GTF2A1: variants seen among roughly 807,000 people sequenced by gnomAD.
GTF2A1 encodes the protein general transcription factor IIA subunit 1.
Under a neutral mutation model 54.1 loss-of-function variants are expected in GTF2A1, and 12 were observed. The observed-to-expected ratio is 0.22, with a 90% confidence interval of 0.14 to 0.36. The LOEUF (loss-of-function observed/expected upper bound fraction) is 0.36. GTF2A1 is among the 10% of genes least tolerant of loss of function. The probability of loss-of-function intolerance (pLI) is 1.00; values close to 1 mark genes in which losing one functional copy is unlikely to be tolerated. For missense variants in GTF2A1, 335 were observed against 442.2 expected (o/e 0.76, Z 2.17); for synonymous variants, 145 against 152.0 (o/e 0.95, Z 0.34).
At chr14:81,201,528 A>T in intron 4 of GTF2A1, 66 bp downstream of exon 4, 1 of 899,664 alleles carries the variant, frequency 1.1e-6, no homozygotes, top group East Asian at 2.4e-5. Context: ...GGACATATAT[A>T]GGCATAATTA....
chr14:81,192,638 G>C lies in GTF2A1; in HGVS notation c.814C>G (p.Gln272Glu), dbSNP rs1892900810. 1.2e-6 allele frequency: 2 copies of C among 1,613,724 alleles called. No individual in the cohort carries two copies. Among genetic ancestry groups the C allele is most frequent in the African/African-American group, 1.3e-5 (1 of 75,012 alleles). The change falls in exon 7 of 9, where the codon CAA (glutamine) becomes GAA (glutamate). Residue 272 changes from glutamine to glutamate, a missense_variant. Around this residue, in one of 2 missense-constraint regions of GTF2A1, gnomAD observed 306 missense variants for 360.4 expected, o/e 0.85. Transcript: ENST00000553612. ...PAQTQAPLVL[Q>E]VDGTGDTSSE... ...GATGTATCCCCAGTTCCATCAACTT[G>C]TAAGACCAATGGAGCTTGTGTTTGA...
intron 5 of GTF2A1, chr14:81,197,196 G>C (rs937422889): frequency 2.2e-6 from 1 of 457,556 alleles, no homozygotes; most frequent in African/African-American, 2.0e-5. Context: ...CAGATCAAAG[G>C]TTCAAGTACA....
In GTF2A1 at chr14:81,203,890, C is replaced by T. The variant is rs377103997; in HGVS notation, c.337+10G>A. 1.0e-4 allele frequency: 160 copies of T among 1,603,298 alleles called. No homozygotes were observed. The highest frequency in any genetic ancestry group is 1.3e-4 in the Non-Finnish European group (150 of 1,170,296). Reference sequence around the variant, plus strand: ...CCAAGTCATAAGTAGGAAAACAAGTCCAGTCTCACCTTGCTGTGATGCAGG... The same window carrying T: ...CCAAGTCATAAGTAGGAAAACAAGTTCAGTCTCACCTTGCTGTGATGCAGG... On this transcript the variant is annotated intron_variant, in intron 3 of 8. Transcript: ENST00000553612.
At chr14:81,206,518 G>C (rs928752224) in intron 2 of GTF2A1, among the ~76,000 whole-genome samples, 1 of 152,098 alleles carries the variant, frequency 6.6e-6, no homozygotes, top group African/African-American at 2.4e-5. Context: ...ACATTCCAGC[G>C]GACACTTGCC....
Position 81,201,598 on chromosome 14 carries a change from T to G in GTF2A1, c.398A>C (p.Asn133Thr), listed in dbSNP as rs138294263. 37 of 1,581,290 alleles carry G rather than the reference T, an allele frequency of 2.3e-5. No homozygotes were observed. In the African/African-American group the frequency reaches 4.0e-4, roughly 17 times the overall value. ...SKLIQHMNAS[N>T]MSAAATAATL... ...CTGCTACATTCTGAGTCTTACCATG[T>G]TTGATGCATTCATATGCTGTATCAA... The change falls in exon 4 of 9, where the codon AAC becomes ACC. Residue 133 changes from asparagine to threonine, a missense_variant. Physicochemically the swap from Asn to Thr is moderately conservative, Grantham distance 65 (BLOSUM62 0). Around this residue, in one of 2 missense-constraint regions of GTF2A1, gnomAD observed 306 missense variants for 360.4 expected, o/e 0.85. Transcript: ENST00000553612.
intron 2 of GTF2A1, among the ~76,000 whole-genome samples, chr14:81,205,522 T>C (rs1387482563): frequency 6.6e-6 from 1 of 152,228 alleles, no homozygotes; most frequent in African/African-American, 2.4e-5. Flanking sequence ...GTAAAACAAT[T>C]ATCAGTGTTA....
rs375390111 is a variant in GTF2A1 at position 81,196,252 on chromosome 14, A to G, written c.479-11T>C. ...CCTGAAGAAGCTGGCCTAAAGCAAA[A>G]AGCATGCATTCCGAGTTATCATTTT... is the stretch of plus-strand genomic sequence containing the variant. On this transcript the variant is annotated splice_polypyrimidine_tract_variant and intron_variant, in intron 5 of 8. Coordinates refer to ENST00000553612, the MANE Select transcript of GTF2A1 (RefSeq NM_015859.4). 2.7e-4 allele frequency: 428 copies of G among 1,613,822 alleles called. No homozygotes were observed. Among genetic ancestry groups the G allele is most frequent in the Non-Finnish European group, 3.5e-4 (411 of 1,179,894 alleles).
intron 1 of GTF2A1, among the ~76,000 whole-genome samples, chr14:81,219,603 G>A (rs1893567167): frequency 6.6e-6 from 1 of 152,222 alleles, no homozygotes; most frequent in Non-Finnish European, 1.5e-5. Context: ...GCTGGTCTGC[G>A]GCATTTGGGA....
rs1360765895 is a variant in GTF2A1, at chr14:81,179,182, T to G, written c.*1041A>C. ...TTGAATTAGAATAGATTTTTAAAATTCTTTACTAGTAAACACAAGAAACTT... is the reference window on the plus strand; with the variant it reads ...TTGAATTAGAATAGATTTTTAAAATGCTTTACTAGTAAACACAAGAAACTT... On this transcript the variant is annotated 3_prime_UTR_variant, in exon 9 of 9. Coordinates refer to ENST00000553612, the MANE Select transcript of GTF2A1 (RefSeq NM_015859.4). 1 of 152,220 alleles carries G rather than the reference T, an allele frequency of 6.6e-6. No homozygotes were observed. Among genetic ancestry groups the G allele is most frequent in the Non-Finnish European group, 1.5e-5 (1 of 68,048 alleles). 9.4% of individuals were successfully genotyped at this position (152,220 alleles called of 1,614,324 possible). A position where few individuals can be genotyped will look rare whatever the true frequency, so the allele number is the denominator to read the frequency against.
chr14:81,175,925 C>T lies in GTF2A1; in HGVS notation c.*4298G>A, dbSNP rs1286682861. On this transcript the variant is annotated 3_prime_UTR_variant, in exon 9 of 9. Transcript: ENST00000553612. ...TAAATTCCTGTGTGCCTGGAAAATA[C>T]AACTTTTTAAAAGCTAGTATTAATC... The T allele has an allele frequency of 6.6e-6, 1 of 152,124 alleles. No individual in the cohort carries two copies. Among genetic ancestry groups the T allele is most frequent in the African/African-American group, 2.4e-5 (1 of 41,438 alleles). The allele number at this position is 152,124 out of a possible 1,614,324, so 9.4% of individuals were successfully genotyped here.
chr14:81,188,156 C>A (rs1369827311), intron 7 of GTF2A1, among the ~76,000 whole-genome samples: 1 of 152,142 alleles, frequency 6.6e-6, no homozygotes, highest in Non-Finnish European at 1.5e-5. Flanking sequence ...AAGTTCTTTG[C>A]CAGTTTTTAA....
At chr14:81,213,671 T>C (rs748581611) in intron 2 of GTF2A1, among the ~76,000 whole-genome samples, 30 of 152,242 alleles carry the variant, frequency 2.0e-4, no homozygotes, top group Non-Finnish European at 3.5e-4. Flanking sequence ...CAATTTATAT[T>C]GTTCTTCTTC....
intron 4 of GTF2A1, among the ~76,000 whole-genome samples, chr14:81,197,980 C>A (rs1893026142): frequency 6.6e-6 from 1 of 152,074 alleles, no homozygotes; most frequent in Non-Finnish European, 1.5e-5. Context: ...AAAATTTCTA[C>A]TAAAATCAAC....
chr14:81,219,111 T>C (rs1435614254), intron 1 of GTF2A1, among the ~76,000 whole-genome samples: 1 of 152,048 alleles, frequency 6.6e-6, no homozygotes, highest in African/African-American at 2.4e-5. Flanking sequence ...TAAAACTCTT[T>C]GTTTTAAATA....
chr14:81,207,378 C>T (rs1209582275), intron 2 of GTF2A1, among the ~76,000 whole-genome samples: 1 of 152,058 alleles, frequency 6.6e-6, no homozygotes, highest in Non-Finnish European at 1.5e-5. Context: ...CTCTTGCTGC[C>T]AACACGTAAG....
At chr14:81,198,319 C>T (rs573987415) in intron 4 of GTF2A1, among the ~76,000 whole-genome samples, 1 of 152,180 alleles carries the variant, frequency 6.6e-6, no homozygotes, top group South Asian at 2.1e-4. Context: ...GTGGTGCACA[C>T]CTGTAGTCCC....
chr14:81,191,529 G>C (rs1295293065), intron 7 of GTF2A1, among the ~76,000 whole-genome samples: 1 of 151,886 alleles, frequency 6.6e-6, no homozygotes, highest in Non-Finnish European at 1.5e-5. Flanking sequence ...CATTTTAAGG[G>C]GAAAAAACCA....
At chr14:81,203,202 C>A (rs1893151986) in intron 3 of GTF2A1, among the ~76,000 whole-genome samples, 1 of 152,154 alleles carries the variant, frequency 6.6e-6, no homozygotes, top group Admixed American at 6.5e-5. Flanking sequence ...TTTTACAAAG[C>A]CCTTATAAGA....
At chr14:81,220,220 A>G (rs1232008063) in intron 1 of GTF2A1, among the ~76,000 whole-genome samples, 2 of 140,084 alleles carry the variant, frequency 1.4e-5, no homozygotes, top group South Asian at 2.5e-4. Context: ...ACCGGGCCCA[A>G]CCGCCTCCGC....
Sources: gnomAD v4.1 joint callset for allele counts (sites outside exome capture counted in the v4.1 genomes callset) on GRCh38, gnomAD v4.1.1 for gene constraint, gnomAD v4.1.1 regional missense constraint, MANE v1.5 for transcripts, NCBI Gene and HGNC (gene_info 2026-07-23, HGNC 2026-07-21) for gene names.